The following NDUFAF2 variants were observed in gnomAD, a reference collection of about 807,000 sequenced individuals.
NDUFAF2 encodes NADH dehydrogenase [ubiquinone] 1 alpha subcomplex assembly factor 2.
In NDUFAF2, 13 loss-of-function variants were observed where a neutral mutation model predicts 22.8. That is an observed-to-expected ratio of 0.57 (90% CI 0.37 to 0.91). NDUFAF2 has a LOEUF of 0.91. Among genes scored for constraint, NDUFAF2 ranks in the 40% least tolerant of loss-of-function variants. The pLI is 0.01. For synonymous variants in NDUFAF2, 53 were observed against 64.2 expected (o/e 0.83, Z 0.84); for missense variants, 162 against 195.2 (o/e 0.83, Z 1.01).
chr5:61,126,365 G>T (rs1425756526), intron 3 of NDUFAF2, among the ~76,000 whole-genome samples: 1 of 151,964 alleles, frequency 6.6e-6, no homozygotes, highest in Admixed American at 6.6e-5. Context: ...CAAGAAAAAG[G>T]TTTATTTTAG....
chr5:60,996,463 G>T (rs540800861), intron 1 of NDUFAF2, among the ~76,000 whole-genome samples: 1 of 152,048 alleles, frequency 6.6e-6, no homozygotes, highest in African/African-American at 2.4e-5. Flanking sequence ...TCCTTAAACA[G>T]AAGGAAGGGG....
chr5:61,022,039 G>A (rs1751589903), intron 1 of NDUFAF2, among the ~76,000 whole-genome samples: 2 of 152,190 alleles, frequency 1.3e-5, no homozygotes, highest in South Asian at 4.1e-4. Flanking sequence ...TTGGTTGGAT[G>A]AAGCCTGTTC....
intron 1 of NDUFAF2, among the ~76,000 whole-genome samples, chr5:61,040,026 T>C (rs1193934694): frequency 6.6e-6 from 1 of 152,154 alleles, no homozygotes; most frequent in African/African-American, 2.4e-5. Context: ...ACACTTGAAC[T>C]TGAAGTTTAC....
chr5:60,970,575 C>T (rs925245989), intron 1 of NDUFAF2, among the ~76,000 whole-genome samples: 1 of 152,112 alleles, frequency 6.6e-6, no homozygotes, highest in Non-Finnish European at 1.5e-5. Flanking sequence ...ATTTATTTAT[C>T]AATTTCAATA....
intron 1 of NDUFAF2, among the ~76,000 whole-genome samples, chr5:61,023,146 A>G (rs62367903): frequency 0.4 from 60,303 of 152,014 alleles, 13,040 homozygotes; most frequent in East Asian, 0.8. Flanking sequence ...TGCCTAGTAA[A>G]GATACAGATT....
chr5:61,105,395 A>T (rs295559), intron 3 of NDUFAF2, among the ~76,000 whole-genome samples: 93,017 of 150,694 alleles, frequency 0.62, 30,179 homozygotes, highest in East Asian at 0.94. Context: ...CTACTTCCTG[A>T]TGACTTAAAT....
At chr5:61,000,127 G>T (rs1420419919) in intron 1 of NDUFAF2, among the ~76,000 whole-genome samples, 1 of 152,114 alleles carries the variant, frequency 6.6e-6, no homozygotes, top group East Asian at 1.9e-4. Flanking sequence ...TTAAGGATCA[G>T]TGGTTGACAG....
At chr5:61,075,399 A>C (rs1280366467) in intron 2 of NDUFAF2, among the ~76,000 whole-genome samples, 1 of 152,180 alleles carries the variant, frequency 6.6e-6, no homozygotes, top group Non-Finnish European at 1.5e-5. Flanking sequence ...ACAGAATATA[A>C]ATTGGCAACT....
intron 2 of NDUFAF2, among the ~76,000 whole-genome samples, chr5:61,090,103 T>C (rs1284788577): frequency 6.6e-6 from 1 of 152,102 alleles, no homozygotes; most frequent in Non-Finnish European, 1.5e-5. Flanking sequence ...TAATCATTAG[T>C]TAAAAGTATA....
chr5:61,136,005 T>TATATATATA (rs1411594766), intron 3 of NDUFAF2, among the ~76,000 whole-genome samples: 3 of 96,052 alleles, frequency 3.1e-5, no homozygotes, highest in African/African-American at 1.6e-4. Context: ...AAGCCTGTCT[T>TATATATATA]TATATATATA....
At chr5:61,021,840 A>G (rs149356479) in intron 1 of NDUFAF2, among the ~76,000 whole-genome samples, 1 of 152,326 alleles carries the variant, frequency 6.6e-6, no homozygotes, top group East Asian at 1.9e-4. Context: ...GAGAAACAGA[A>G]CCAACAAGTG....
At chr5:60,948,531 A>G (rs188306651) in intron 1 of NDUFAF2, among the ~76,000 whole-genome samples, 1 of 149,240 alleles carries the variant, frequency 6.7e-6, no homozygotes, top group African/African-American at 2.4e-5. Context: ...TTTAAGTGGA[A>G]GCATACAGCA....
intron 1 of NDUFAF2, among the ~76,000 whole-genome samples, chr5:60,980,317 C>T (rs1454620596): frequency 6.6e-6 from 1 of 152,136 alleles, no homozygotes; most frequent in African/African-American, 2.4e-5. Context: ...AAATAAAGCA[C>T]CAGTGACCAG....
chr5:61,003,514 T>C (rs1751325641), intron 1 of NDUFAF2, among the ~76,000 whole-genome samples: 1 of 152,000 alleles, frequency 6.6e-6, no homozygotes, highest in Admixed American at 6.6e-5. Context: ...GCATCATGAT[T>C]AGGATAAGAT....
At chr5:61,008,026 A>T (rs1483751839) in intron 1 of NDUFAF2, among the ~76,000 whole-genome samples, 2 of 151,982 alleles carry the variant, frequency 1.3e-5, no homozygotes, top group African/African-American at 4.8e-5. Context: ...ATTGGAAATC[A>T]TCATTCTCAG....
Position 60,952,983 on chromosome 5 carries a change from C to A in NDUFAF2, c.127+7601C>A, listed in dbSNP as rs182187564. Among the ~76,000 whole-genome samples, 23 of 152,020 alleles carry A rather than the reference C, an allele frequency of 1.5e-4. No homozygotes were observed. In the East Asian group the frequency reaches 2.5e-3, roughly 17 times the overall value. On this transcript the variant is annotated intron_variant, in intron 1 of 3. Coordinates refer to ENST00000296597, the MANE Select transcript of NDUFAF2 (RefSeq NM_174889.5). The stretch of plus-strand genomic sequence containing the variant: ...AGAGCAATTAGCAAGCTGTGGGATA[C>A]CCCCAAGTGGCCTAATATATGTAAT...
intron 3 of NDUFAF2, among the ~76,000 whole-genome samples, chr5:61,147,433 CTTTCTT>C (rs748647463): frequency 8.4e-5 from 4 of 47,474 alleles, no homozygotes; most frequent in Admixed American, 5.2e-4. Flanking sequence ...ATTTTTTTTT[CTTTCTT>C]TTTTTTTTTT....
chr5:61,130,647 A>G (rs1753097654), intron 3 of NDUFAF2, among the ~76,000 whole-genome samples: 1 of 152,072 alleles, frequency 6.6e-6, no homozygotes, highest in Non-Finnish European at 1.5e-5. Context: ...TACTTCTTAT[A>G]GTGAAGGGTT....
intron 1 of NDUFAF2, among the ~76,000 whole-genome samples, chr5:60,990,920 T>A (rs796409239): frequency 2.6e-5 from 4 of 152,310 alleles, no homozygotes; most frequent in African/African-American, 9.6e-5. Flanking sequence ...ATGAGGCAGC[T>A]GAGATTTGGA....
Sources: gnomAD v4.1 joint callset for allele counts (sites outside exome capture counted in the v4.1 genomes callset) on GRCh38, gnomAD v4.1.1 for gene constraint, MANE v1.5 for transcripts, NCBI Gene and HGNC (gene_info 2026-07-23, HGNC 2026-07-21) for gene names.